The following ARL10 variants were observed in gnomAD, a reference collection of about 807,000 sequenced individuals.
The protein encoded by ARL10 is ADP-ribosylation factor-like protein 10.
In ARL10, 23 loss-of-function variants were observed where a neutral mutation model predicts 26.1. The observed-to-expected ratio is 0.88, with a 90% CI of 0.63 to 1.25. ARL10 has a LOEUF of 1.25. ARL10 is among the 50% of genes most tolerant of loss of function. The pLI is 0.00. For missense variants in ARL10, 300 were observed against 323.6 expected (o/e 0.93, Z 0.56); for synonymous variants, 138 against 149.1 (o/e 0.93, Z 0.54).
Position 176,378,714 on chromosome 5 carries a change from AATTTCAAATG to A in ARL10, c.*6820_*6829del, listed in dbSNP as rs1166856066. On this transcript the variant is annotated 3_prime_UTR_variant, in exon 4 of 4. Transcript: ENST00000310389. ...TTAATGACATATTTTGCCAAAGAATAATTTCAAATGGGGGCCGGGCGCTGTGGCTCACGCC... is the reference window on the plus strand; with the variant it reads ...TTAATGACATATTTTGCCAAAGAATAGGGGCCGGGCGCTGTGGCTCACGCC... 1.3e-5 allele frequency: 2 copies of A among 152,206 alleles called. No individual in the cohort carries two copies. Among genetic ancestry groups the A allele is most frequent in the Non-Finnish European group, 2.9e-5 (2 of 68,024 alleles). 9.4% of individuals were successfully genotyped at this position (152,206 alleles called of 1,614,324 possible).
chr5:176,406,340 G>A, downstream of ARL10: 4 of 1,112,164 alleles, frequency 3.6e-6, no homozygotes, highest in Non-Finnish European at 4.4e-6. Context: ...TAGCTCCCTA[G>A]AATCCCTCTC....
At chr5:176,390,962 C>G (rs1756248466), downstream of ARL10, among the ~76,000 whole-genome samples, 1 of 152,214 alleles carries the variant, frequency 6.6e-6, no homozygotes, top group Non-Finnish European at 1.5e-5. Flanking sequence ...TATTCCTGGT[C>G]TGTGGTCAGC....
downstream of ARL10, among the ~76,000 whole-genome samples, chr5:176,404,272 C>T (rs537653155): frequency 9.2e-5 from 14 of 152,310 alleles, no homozygotes; most frequent in Non-Finnish European, 1.2e-4. Context: ...TCCCCAGCTC[C>T]GGTTGCCCCC....
Position 176,393,950 on chromosome 5 carries a change from T to C in ARL10, c.134-7791T>C, listed in dbSNP as rs1408172112. Among the ~76,000 whole-genome samples the C allele has an allele frequency of 6.6e-6, 1 of 152,224 alleles. No individual in the cohort carries two copies. The highest frequency in any genetic ancestry group is 1.5e-5 in the Non-Finnish European group (1 of 68,038). ...TCTCCATCTCAAGCAGGACCAGTTC[T>C]GCCGATGCCAGACATGACTGATGGC... is the stretch of plus-strand genomic sequence containing the variant. On this transcript the variant is annotated intron_variant, in intron 1 of 1. Transcript: ENST00000514533. The surrounding 1 kb of genome is among the most constrained non-coding windows in gnomAD (Gnocchi z 4.4).
chr5:176,408,539 G>GAA, the ARL10 span, among the ~76,000 whole-genome samples: 13 of 118,576 alleles, frequency 1.1e-4, no homozygotes, highest in South Asian at 2.7e-4. Context: ...TCCATCTCAG[G>GAA]AAAAAAAAAA....
chr5:176,388,155 G>T, intron 1 of ARL10: 1 of 1,068,818 alleles, frequency 9.4e-7, no homozygotes, highest in Non-Finnish European at 1.4e-6. Context: ...GGAATGGGCA[G>T]TACCACGTTC....
chr5:176,367,786 C>A (rs907137335), intron 2 of ARL10, among the ~76,000 whole-genome samples: 1 of 152,254 alleles, frequency 6.6e-6, no homozygotes, highest in Non-Finnish European at 1.5e-5. Flanking sequence ...CCACCCAATC[C>A]AGGGCCAACC....
rs1390975808 is a variant in ARL10, at chr5:176,380,919, C to G, written c.*9024C>G. ...TAGCTGGGACTACAGGCATACACCA[C>G]CACACGCCCAACTAACTTCTGTATT... On this transcript the variant is annotated 3_prime_UTR_variant, in exon 4 of 4. Coordinates refer to ENST00000310389, the MANE Select transcript of ARL10 (RefSeq NM_173664.6). 6.6e-6 allele frequency: 1 copy of G among 152,152 alleles called. No individual in the cohort carries two copies. Among genetic ancestry groups the G allele is most frequent in the Non-Finnish European group, 1.5e-5 (1 of 68,084 alleles). 9.4% of individuals were successfully genotyped at this position (152,152 alleles called of 1,614,324 possible). A position where few individuals can be genotyped will look rare whatever the true frequency, so the allele number is the denominator to read the frequency against.
downstream of ARL10, chr5:176,401,886 T>C: frequency 2.4e-6 from 1 of 408,828 alleles, no homozygotes. Context: ...AAACTCTCCC[T>C]CCTGCCCTCA....
chr5:176,392,987 T>C, downstream of ARL10: 1 of 1,611,402 alleles, frequency 6.2e-7, no homozygotes, highest in Non-Finnish European at 8.5e-7. This position sits in a 1 kb window ranked among gnomAD's most constrained non-coding sequence, Gnocchi z 5.2. Flanking sequence ...CAGTCTGCTT[T>C]CCCCCAGCCT....
chr5:176,385,125 C>A (rs1013240081), downstream of ARL10: 3 of 782,358 alleles, frequency 3.8e-6, no homozygotes, highest in Non-Finnish European at 4.7e-6. Flanking sequence ...CCTTTCTTTG[C>A]ACTCGGTTTC....
At position 176,375,271 on chromosome 5, in the gene ARL10, CCCAT is replaced by C. The variant is rs1302156314; in HGVS notation, c.*3388_*3391del. ...ATCCTTCCATCCATCCACCCATCCA[CCCAT>C]CCATCCATCCACCCATCCATCCATC... On this transcript the variant is annotated 3_prime_UTR_variant, in exon 4 of 4. Transcript: ENST00000310389. 2 of 104,496 alleles carry C rather than the reference CCCAT, an allele frequency of 1.9e-5. No homozygotes were observed. Among genetic ancestry groups the C allele is most frequent in the Non-Finnish European group, 1.9e-5 (1 of 53,336 alleles). 6.5% of individuals were successfully genotyped at this position (104,496 alleles called of 1,614,324 possible).
downstream of ARL10, chr5:176,392,906 C>A: frequency 6.2e-7 from 1 of 1,614,220 alleles, no homozygotes; most frequent in Non-Finnish European, 8.5e-7. This position sits in a 1 kb window ranked among gnomAD's most constrained non-coding sequence, Gnocchi z 5.2. Context: ...TGCCTGGGGT[C>A]TCCTCCTTGG....
downstream of ARL10, among the ~76,000 whole-genome samples, chr5:176,391,668 A>T (rs971208256): frequency 2.6e-5 from 4 of 152,204 alleles, no homozygotes; most frequent in African/African-American, 7.2e-5. Context: ...CTAGAAGGCA[A>T]TGTGCAAACA....
downstream of ARL10, chr5:176,388,964 G>A (rs1756135632): frequency 6.2e-7 from 1 of 1,614,106 alleles, no homozygotes; most frequent in Non-Finnish European, 8.5e-7. Context: ...GAACCCGGTG[G>A]TACCCATAGG....
chr5:176,401,456 A>C (rs1292174537), intron 1 of ARL10, among the ~76,000 whole-genome samples: 1 of 152,184 alleles, frequency 6.6e-6, no homozygotes. Context: ...GGGTGTTTTG[A>C]CAGGAATCCT....
chr5:176,366,620 C>G, intron 2 of ARL10, 39 bp downstream of exon 2: 1 of 1,606,934 alleles, frequency 6.2e-7, no homozygotes. Context: ...GTCTCCTCTA[C>G]TGGACCAGTC....
rs1003139213 is a variant in ARL10 at position 176,379,317 on chromosome 5, C to G, written c.*7422C>G. ...CCGAGTAGCTGGGATTACAGGTGCC[C>G]GCCACCACGCCCAGCTTATTTTTTG... On this transcript the variant is annotated 3_prime_UTR_variant, in exon 4 of 4. Transcript: ENST00000310389. 7 of 151,982 alleles carry G rather than the reference C, an allele frequency of 4.6e-5. No homozygotes were observed. Among genetic ancestry groups the G allele is most frequent in the African/African-American group, 1.7e-4 (7 of 41,348 alleles). 9.4% of individuals were successfully genotyped at this position (151,982 alleles called of 1,614,324 possible).
chr5:176,384,714 G>T, downstream of ARL10: 1 of 390,094 alleles, frequency 2.6e-6, no homozygotes, highest in Non-Finnish European at 4.6e-6. Flanking sequence ...AGGCTGCGGT[G>T]AGCCATGATC....
Sources: allele counts gnomAD v4.1 joint callset (sites outside exome capture counted in the v4.1 genomes callset), GRCh38; gene constraint gnomAD v4.1.1; non-coding constraint Gnocchi (gnomAD v3.1); transcripts MANE v1.5; gene names NCBI Gene and HGNC (gene_info 2026-07-23, HGNC 2026-07-21).